Variants in RUFY3 observed in about 807,000 individuals in gnomAD.
The protein encoded by RUFY3 is RUN and FYVE domain containing 3.
Under a neutral mutation model 84.0 loss-of-function variants are expected in RUFY3, and 34 were observed. That is an observed-to-expected ratio of 0.40 (90% CI 0.31 to 0.54). The LOEUF is 0.54. RUFY3 is among the 20% of genes least tolerant of loss of function. The pLI is 0.39. For synonymous variants in RUFY3, 242 were observed against 252.9 expected, an observed-to-expected ratio of 0.96 and a Z score of 0.41; for missense variants, 507 against 736.8, an observed-to-expected ratio of 0.69 and a Z score of 3.61.
At position 70,807,396 on chromosome 4, in the gene RUFY3, C is replaced by G. The variant is rs967471481; in HGVS notation, c.*737C>G. 3.9e-5 allele frequency: 6 copies of G among 152,190 alleles called. No individual in the cohort carries two copies. Among genetic ancestry groups the G allele is most frequent in the African/African-American group, 1.4e-4 (6 of 41,452 alleles). 9.4% of individuals were successfully genotyped at this position (152,190 alleles called of 1,614,324 possible). A position where few individuals can be genotyped will look rare whatever the true frequency, so the allele number is the denominator to read the frequency against. ...TCTCCTTCCACAAAACAAGCCAACTCTTCCCCATTCCCTCCATCTTCCTTT... is the reference window on the plus strand; with the variant it reads ...TCTCCTTCCACAAAACAAGCCAACTGTTCCCCATTCCCTCCATCTTCCTTT... On this transcript the variant is annotated 3_prime_UTR_variant, in exon 18 of 18. Transcript: ENST00000381006.
upstream of RUFY3, among the ~76,000 whole-genome samples, chr4:70,721,173 G>A (rs1172086842): frequency 6.6e-6 from 1 of 151,822 alleles, no homozygotes; most frequent in Non-Finnish European, 1.5e-5. Flanking sequence ...TTAGCTGGGC[G>A]TGGTGGTGGG....
chr4:70,780,545 G>A (rs968178247), intron 8 of RUFY3, among the ~76,000 whole-genome samples: 4 of 152,176 alleles, frequency 2.6e-5, no homozygotes, highest in South Asian at 2.1e-4. Flanking sequence ...CACCCGCCTC[G>A]GCCTCCCAAA....
In RUFY3 at chr4:70,804,421, CTG is replaced by C; in HGVS notation, c.1719+8_1719+9del. On this transcript the variant is annotated splice_donor_region_variant and intron_variant, in intron 17 of 17. Coordinates refer to ENST00000381006, the MANE Select transcript of RUFY3 (RefSeq NM_001037442.4). ...GAAGACGGCAGCCTAACAAAGGTAA[CTG>C]TGATGAGAAACGGACAGGCTTTTCA... 2.5e-6 allele frequency: 4 copies of C among 1,613,254 alleles called. No homozygotes were observed. Among genetic ancestry groups the C allele is most frequent in the Non-Finnish European group, 3.4e-6 (4 of 1,179,326 alleles).
At chr4:70,725,296 G>T (rs551014572) in intron 1 of RUFY3, among the ~76,000 whole-genome samples, 6 of 151,694 alleles carry the variant, frequency 4.0e-5, no homozygotes, top group African/African-American at 1.5e-4. Context: ...CTTATTGGTG[G>T]TCAATGAGGG....
chr4:70,733,103 A>AG (rs1719634300), intron 1 of RUFY3, among the ~76,000 whole-genome samples: 1 of 83,488 alleles, frequency 1.2e-5, no homozygotes, highest in Non-Finnish European at 2.2e-5. Flanking sequence ...GAGGAGAGAG[A>AG]GAGAGAGAGA....
intron 4 of RUFY3, among the ~76,000 whole-genome samples, chr4:70,767,311 T>C (rs1726144558): frequency 6.9e-6 from 1 of 145,680 alleles, no homozygotes; most frequent in African/African-American, 2.5e-5. Flanking sequence ...GGTTTCTACA[T>C]GTTGGTCAGG....
At chr4:70,770,665 C>G (rs1726807346) in intron 5 of RUFY3, among the ~76,000 whole-genome samples, 1 of 152,144 alleles carries the variant, frequency 6.6e-6, no homozygotes, top group Admixed American at 6.6e-5. Flanking sequence ...AACTTTATTC[C>G]TGTCAGCAAT....
upstream of RUFY3, among the ~76,000 whole-genome samples, chr4:70,720,166 C>A (rs1742105573): frequency 6.6e-6 from 1 of 152,096 alleles, no homozygotes; most frequent in Non-Finnish European, 1.5e-5. Flanking sequence ...ATTCTTCCAC[C>A]TCAGTCTCCC....
intron 1 of RUFY3, among the ~76,000 whole-genome samples, chr4:70,748,698 G>C (rs563127069): frequency 1.3e-5 from 2 of 152,274 alleles, no homozygotes; most frequent in South Asian, 4.1e-4. Context: ...GAGTCCCATG[G>C]GGTGACACTG....
At chr4:70,709,053 G>C (rs1740677452) in intron 1 of RUFY3, among the ~76,000 whole-genome samples, 1 of 152,072 alleles carries the variant, frequency 6.6e-6, no homozygotes, top group Non-Finnish European at 1.5e-5. Context: ...GCGAGATGCT[G>C]TTTCAAAAAA....
At position 70,722,442 on chromosome 4, in the gene RUFY3, C is replaced by G; in HGVS notation, c.-132C>G. The G allele has an allele frequency of 1.5e-6, 2 of 1,377,834 alleles. No individual in the cohort carries two copies. Among genetic ancestry groups the G allele is most frequent in the South Asian group, 2.0e-5 (1 of 48,892 alleles). 85.4% of individuals were successfully genotyped at this position (1,377,834 alleles called of 1,614,324 possible). A position where few individuals can be genotyped will look rare whatever the true frequency, so the allele number is the denominator to read the frequency against. ...TTTTTTTTTTTTAAACCTCCCCCAC[C>G]CTTTTCCTGAAAGCTTTGTTTCAGA... On this transcript the variant is annotated 5_prime_UTR_variant, in exon 1 of 18. Transcript: ENST00000381006.
At chr4:70,705,185 G>A in exon 1 of RUFY3, 2 of 1,461,222 alleles carry the variant, frequency 1.4e-6, no homozygotes, top group Non-Finnish European at 9.0e-7. Context: ...GCCCGCCGCC[G>A]CAGCAGCAGC....
Position 70,808,618 on chromosome 4 carries a change from T to C in RUFY3, c.*1959T>C, listed in dbSNP as rs148096709. Among the ~76,000 whole-genome samples, 218 of 152,288 alleles carry C rather than the reference T, an allele frequency of 1.4e-3. No homozygotes were observed. Among genetic ancestry groups the C allele is most frequent in the Non-Finnish European group, 2.1e-3 (145 of 68,022 alleles). ...AAAATAAAATCTAGTAATTCCAGCC[T>C]AGTTTGTTGATTGATGATTGTCTTT... is the stretch of plus-strand genomic sequence containing the variant. On this transcript the variant is annotated 3_prime_UTR_variant, in exon 18 of 18. Transcript: ENST00000381006.
chr4:70,726,325 G>A (rs1560452598), intron 1 of RUFY3, among the ~76,000 whole-genome samples: 1 of 152,150 alleles, frequency 6.6e-6, no homozygotes, highest in Non-Finnish European at 1.5e-5. Context: ...AGTTGTTGAT[G>A]CTTAATAGAT....
chr4:70,789,649 G>A (rs1578229276), intron 12 of RUFY3, 57 bp downstream of exon 12: 11 of 1,580,972 alleles, frequency 7.0e-6, no homozygotes, highest in Non-Finnish European at 8.6e-6. Context: ...GAAGTGAAAA[G>A]AATGTGCTGT....
intron 4 of RUFY3, among the ~76,000 whole-genome samples, chr4:70,767,095 T>G (rs1454644420): frequency 3.3e-5 from 5 of 151,854 alleles, no homozygotes; most frequent in Non-Finnish European, 5.9e-5. Context: ...CCTTTTTTTT[T>G]GTTCTTTGAG....
chr4:70,765,907 C>T (rs1251617352), intron 4 of RUFY3, among the ~76,000 whole-genome samples: 10 of 151,860 alleles, frequency 6.6e-5, no homozygotes, highest in Non-Finnish European at 5.9e-5. Context: ...GGACTACAGG[C>T]GCACACCACC....
intron 14 of RUFY3, among the ~76,000 whole-genome samples, chr4:70,798,842 A>T (rs1731855334): frequency 2.6e-5 from 4 of 152,020 alleles, no homozygotes; most frequent in Admixed American, 2.6e-4. Flanking sequence ...GGCAGGGCTT[A>T]AGAGTATTGG....
intron 1 of RUFY3, among the ~76,000 whole-genome samples, chr4:70,728,402 A>G (rs1408473419): frequency 6.6e-6 from 1 of 152,220 alleles, no homozygotes; most frequent in Non-Finnish European, 1.5e-5. Context: ...TCGGGAAAAA[A>G]TCAAAATTCA....
Sources: allele counts gnomAD v4.1 joint callset (sites outside exome capture counted in the v4.1 genomes callset), GRCh38; gene constraint gnomAD v4.1.1; transcripts MANE v1.5; gene names NCBI Gene and HGNC (gene_info 2026-07-23, HGNC 2026-07-21).